Variants in GALNT2 observed in about 807,000 individuals in gnomAD.
The protein encoded by GALNT2 is UDP-GalNAc:polypeptide N-acetylgalactosaminyltransferase 2.
GALNT2 carries 31 observed loss-of-function variants against 81.4 expected under a neutral mutation model. The ratio of observed to expected loss-of-function variants is 0.38; its 90% CI spans 0.29 to 0.51. The LOEUF (loss-of-function observed/expected upper bound fraction) is 0.51. Among genes scored for constraint, GALNT2 ranks in the 20% least tolerant of loss-of-function variants. The pLI is 0.87. For missense variants in GALNT2, 629 were observed against 765.7 expected (o/e 0.82, Z 2.11); for synonymous variants, 303 against 287.4 (o/e 1.05, Z -0.55).
chr1:230,124,355 G>A (rs1036288432), intron 1 of GALNT2, among the ~76,000 whole-genome samples: 4 of 152,114 alleles, frequency 2.6e-5, no homozygotes, highest in Non-Finnish European at 5.9e-5. Flanking sequence ...TCTATCACCC[G>A]CAAGAGCCCT....
intron 6 of GALNT2, among the ~76,000 whole-genome samples, chr1:230,241,678 C>T (rs1665205792): frequency 6.6e-6 from 1 of 151,850 alleles, no homozygotes; most frequent in Admixed American, 6.6e-5. Flanking sequence ...AACTCCTGAC[C>T]TCAGGTGATC....
intron 1 of GALNT2, among the ~76,000 whole-genome samples, chr1:230,111,508 A>G (rs1047470364): frequency 6.6e-6 from 1 of 152,256 alleles, no homozygotes; most frequent in Non-Finnish European, 1.5e-5. Flanking sequence ...GGTCTGAGAA[A>G]GCATCCCTCC....
intron 1 of GALNT2, among the ~76,000 whole-genome samples, chr1:230,121,481 CTCT>C (rs1239375419): frequency 6.6e-6 from 1 of 152,216 alleles, no homozygotes; most frequent in Admixed American, 6.5e-5. Context: ...CCTCACTCCC[CTCT>C]TCTTTGTCCC....
At chr1:230,278,351 C>G (rs1481443951) in intron 15 of GALNT2, among the ~76,000 whole-genome samples, 1 of 152,026 alleles carries the variant, frequency 6.6e-6, no homozygotes, top group Non-Finnish European at 1.5e-5. Context: ...TCTTGAACTC[C>G]TGGCCTCAAG....
chr1:230,189,698 C>T (rs1486786110), intron 2 of GALNT2, among the ~76,000 whole-genome samples: 3 of 152,310 alleles, frequency 2.0e-5, no homozygotes, highest in South Asian at 2.1e-4. Flanking sequence ...GTTAAGCATA[C>T]AGGTCCGTGG....
intron 3 of GALNT2, among the ~76,000 whole-genome samples, chr1:230,223,028 G>A (rs896747273): frequency 6.6e-6 from 1 of 152,030 alleles, no homozygotes; most frequent in African/African-American, 2.4e-5. Flanking sequence ...CAACCTGATC[G>A]ATTACATTCA....
chr1:230,071,330 C>G (rs1659366510), intron 1 of GALNT2, among the ~76,000 whole-genome samples: 1 of 152,198 alleles, frequency 6.6e-6, no homozygotes. Context: ...CATGCCAGCT[C>G]TCTTGTACCC....
intron 1 of GALNT2, among the ~76,000 whole-genome samples, chr1:230,135,192 G>C (rs781680219): frequency 6.6e-6 from 1 of 152,088 alleles, no homozygotes; most frequent in Non-Finnish European, 1.5e-5. Flanking sequence ...GTTTGGTCCT[G>C]ACTCTCATGG....
In GALNT2 at chr1:230,252,085, T is replaced by C. The variant is rs573110195; in HGVS notation, c.1009+1525T>C. ...CCCTCCGTGAGGGGCTCTCCTGGGTTATGCCAAGGACTTGGACTCCCAGTG... is the reference window on the plus strand; with the variant it reads ...CCCTCCGTGAGGGGCTCTCCTGGGTCATGCCAAGGACTTGGACTCCCAGTG... On this transcript the variant is annotated intron_variant, in intron 10 of 15. Coordinates refer to ENST00000366672, the MANE Select transcript of GALNT2 (RefSeq NM_004481.5). Among the ~76,000 whole-genome samples, 31 of 152,280 alleles carry C rather than the reference T, an allele frequency of 2.0e-4. No individual in the cohort carries two copies. The East Asian group carries it at 5.4e-3, about 27-fold the overall frequency.
intron 1 of GALNT2, among the ~76,000 whole-genome samples, chr1:230,127,524 C>T (rs1433506189): frequency 3.3e-5 from 5 of 152,062 alleles, no homozygotes; most frequent in East Asian, 1.9e-4. Context: ...TACAGGCATG[C>T]GGCACCATGC....
intron 1 of GALNT2, among the ~76,000 whole-genome samples, chr1:230,080,575 C>T (rs1439539050): frequency 6.6e-6 from 1 of 152,124 alleles, no homozygotes; most frequent in Non-Finnish European, 1.5e-5. Flanking sequence ...CGTTTGACAG[C>T]AGAAGCCCAG....
At chr1:230,139,728 C>T (rs1020407346) in intron 1 of GALNT2, among the ~76,000 whole-genome samples, 2 of 152,184 alleles carry the variant, frequency 1.3e-5, no homozygotes, top group Non-Finnish European at 2.9e-5. Context: ...AATAATTTGC[C>T]GTTGCATGGA....
intron 1 of GALNT2, among the ~76,000 whole-genome samples, chr1:230,104,449 C>T (rs1167019350): frequency 2.0e-5 from 3 of 152,096 alleles, no homozygotes; most frequent in Admixed American, 6.6e-5. Flanking sequence ...GGTTTCCTGG[C>T]TCTGTAGCAT....
chr1:230,077,264 C>G (rs985281127), intron 1 of GALNT2, among the ~76,000 whole-genome samples: 2 of 152,148 alleles, frequency 1.3e-5, no homozygotes, highest in Non-Finnish European at 2.9e-5. Context: ...AAAGGCCTGC[C>G]CTGCCGCACT....
At chr1:230,108,652 A>G (rs1179621361) in intron 1 of GALNT2, among the ~76,000 whole-genome samples, 2 of 152,232 alleles carry the variant, frequency 1.3e-5, no homozygotes, top group East Asian at 3.9e-4. Context: ...GCTATCAAGC[A>G]TCATAGCTTA....
intron 1 of GALNT2, among the ~76,000 whole-genome samples, chr1:230,120,854 C>CT (rs1433946695): frequency 2.0e-5 from 3 of 152,204 alleles, no homozygotes; most frequent in African/African-American, 2.4e-5. Context: ...GTTGGCACTG[C>CT]TTCCACCCCT....
intron 1 of GALNT2, among the ~76,000 whole-genome samples, chr1:230,129,492 A>AT (rs892972256): frequency 1.7e-4 from 26 of 151,622 alleles, no homozygotes; most frequent in Admixed American, 1.2e-3. Context: ...TAACTTTTTA[A>AT]TTTTTTTTGT....
At chr1:230,205,427 T>C (rs1264086522) in intron 3 of GALNT2, among the ~76,000 whole-genome samples, 2 of 152,192 alleles carry the variant, frequency 1.3e-5, no homozygotes, top group Non-Finnish European at 2.9e-5. Flanking sequence ...ACATATCTTA[T>C]ATAATAGTAA....
At chr1:230,108,396 A>G (rs1660604652) in intron 1 of GALNT2, among the ~76,000 whole-genome samples, 1 of 152,250 alleles carries the variant, frequency 6.6e-6, no homozygotes, top group South Asian at 2.1e-4. Flanking sequence ...CTATGTCCCG[A>G]TAAACCCATC....
Sources: gnomAD v4.1 joint callset for allele counts (sites outside exome capture counted in the v4.1 genomes callset) on GRCh38, gnomAD v4.1.1 for gene constraint, MANE v1.5 for transcripts, NCBI Gene and HGNC (gene_info 2026-07-23, HGNC 2026-07-21) for gene names.